Variants in SDK1 observed in about 807,000 individuals in gnomAD.
SDK1 encodes the protein protein sidekick-1.
Under a neutral mutation model 245.5 loss-of-function variants are expected in SDK1, and 157 were observed. The observed-to-expected ratio is 0.64, with a 90% confidence interval of 0.56 to 0.73. The LOEUF is 0.73. Among genes scored for constraint, SDK1 ranks in the 30% least tolerant of loss-of-function variants. The pLI is 0.00. For missense variants in SDK1, 3,583 were observed against 3,002.3 expected, an observed-to-expected ratio of 1.19 and a Z score of -4.52; for synonymous variants, 1,647 against 1,278.5, an observed-to-expected ratio of 1.29 and a Z score of -6.15.
At chr7:3,551,844 A>T (rs1779425388) in intron 1 of SDK1, among the ~76,000 whole-genome samples, 1 of 151,398 alleles carries the variant, frequency 6.6e-6, no homozygotes, top group East Asian at 1.9e-4. Context: ...CCTGGCCTAA[A>T]TTTTTTTTTG....
intron 32 of SDK1, 59 bp from the exon 33 acceptor site, chr7:4,174,162 GC>G (rs1449615719): frequency 3.4e-5 from 54 of 1,596,222 alleles, no homozygotes; most frequent in Non-Finnish European, 4.5e-5. Context: ...GGTGAGCCCT[GC>G]TGCAGGCCAG....
intron 9 of SDK1, among the ~76,000 whole-genome samples, chr7:3,966,332 C>T (rs777557855): frequency 2.0e-4 from 30 of 152,112 alleles, no homozygotes; most frequent in South Asian, 4.1e-4. Context: ...CACTTCTTTC[C>T]TTGAGGGGTA....
intron 22 of SDK1, among the ~76,000 whole-genome samples, chr7:4,087,911 T>C (rs578157072): frequency 6.6e-6 from 1 of 152,372 alleles, no homozygotes; most frequent in Admixed American, 6.5e-5. Flanking sequence ...AAATGATATT[T>C]TCTGCCTGTG....
chr7:3,969,023 A>G (rs1232656520), intron 10 of SDK1, among the ~76,000 whole-genome samples: 2 of 152,170 alleles, frequency 1.3e-5, no homozygotes, highest in African/African-American at 4.8e-5. Context: ...GTTTTAAACC[A>G]TCAGATCTCA....
intron 1 of SDK1, among the ~76,000 whole-genome samples, chr7:3,572,193 C>T (rs1279065370): frequency 6.6e-6 from 1 of 152,060 alleles, no homozygotes; most frequent in Non-Finnish European, 1.5e-5. Context: ...TTAGTAGTTT[C>T]TACCTGGAAG....
intron 1 of SDK1, among the ~76,000 whole-genome samples, chr7:3,360,105 C>A (rs763218145): frequency 1.3e-5 from 2 of 152,200 alleles, no homozygotes; most frequent in South Asian, 4.1e-4. Flanking sequence ...ATGTCATGGC[C>A]TTCAGCATTC....
At chr7:3,406,356 C>T (rs1779055820) in intron 1 of SDK1, among the ~76,000 whole-genome samples, 2 of 152,104 alleles carry the variant, frequency 1.3e-5, no homozygotes, top group African/African-American at 2.4e-5. Flanking sequence ...CCTAGATTTA[C>T]CCTTAAGTAA....
intron 1 of SDK1, among the ~76,000 whole-genome samples, chr7:3,469,896 A>G (rs1781127765): frequency 6.6e-6 from 1 of 152,218 alleles, no homozygotes; most frequent in Admixed American, 6.5e-5. Flanking sequence ...ACATACGAAA[A>G]TAAGTATGCT....
intron 22 of SDK1, among the ~76,000 whole-genome samples, chr7:4,094,977 A>G (rs1440129200): frequency 6.6e-6 from 1 of 152,356 alleles, no homozygotes; most frequent in East Asian, 1.9e-4. Context: ...AAGGAGGTGA[A>G]GCTTTGTCGA....
chr7:3,882,203 G>A (rs1260492984), intron 5 of SDK1, among the ~76,000 whole-genome samples: 3 of 151,966 alleles, frequency 2.0e-5, no homozygotes, highest in South Asian at 2.1e-4. Flanking sequence ...TCTCCCAGCC[G>A]GTCCCTCCAA....
intron 4 of SDK1, among the ~76,000 whole-genome samples, chr7:3,806,153 C>T (rs1779237709): frequency 6.6e-6 from 1 of 152,250 alleles, no homozygotes; most frequent in African/African-American, 2.4e-5. Flanking sequence ...CTTCTGACTT[C>T]TCTCTCACTG....
chr7:3,817,471 T>G (rs1308384257), intron 4 of SDK1, among the ~76,000 whole-genome samples: 1 of 152,140 alleles, frequency 6.6e-6, no homozygotes, highest in East Asian at 1.9e-4. Context: ...GTGATCAGGG[T>G]GAATGTATAC....
chr7:4,215,307 G>A (rs1475185020), intron 38 of SDK1, among the ~76,000 whole-genome samples: 2 of 152,204 alleles, frequency 1.3e-5, no homozygotes, highest in South Asian at 4.1e-4. Flanking sequence ...AGAGGCGGAG[G>A]GGCCTATCTC....
At chr7:3,789,623 A>G (rs1280705422) in intron 4 of SDK1, among the ~76,000 whole-genome samples, 1 of 152,210 alleles carries the variant, frequency 6.6e-6, no homozygotes, top group Non-Finnish European at 1.5e-5. Context: ...TGTATCATCC[A>G]ACTTCTGATC....
At chr7:3,989,280 G>A (rs933420685) in intron 14 of SDK1, among the ~76,000 whole-genome samples, 2 of 152,180 alleles carry the variant, frequency 1.3e-5, no homozygotes, top group African/African-American at 4.8e-5. Flanking sequence ...AAGACAGCTT[G>A]TGCAGGAAAA....
At chr7:4,228,165 T>A (rs999275092) in intron 40 of SDK1, among the ~76,000 whole-genome samples, 3 of 152,144 alleles carry the variant, frequency 2.0e-5, no homozygotes, top group African/African-American at 7.2e-5. Flanking sequence ...GGATTGGAGG[T>A]TGTGGTGACA....
intron 5 of SDK1, among the ~76,000 whole-genome samples, chr7:3,833,744 G>A (rs899958857): frequency 7.2e-5 from 11 of 152,190 alleles, no homozygotes; most frequent in African/African-American, 2.4e-4. Flanking sequence ...AATGTATGAA[G>A]CGAATAGGCA....
chr7:3,873,314 T>C (rs1254534450), intron 5 of SDK1, among the ~76,000 whole-genome samples: 7 of 152,198 alleles, frequency 4.6e-5, no homozygotes, highest in South Asian at 2.1e-4. Context: ...ATATTTCTTA[T>C]CTTGCTCCTC....
chr7:3,600,622 T>G (rs1456570736), intron 1 of SDK1, among the ~76,000 whole-genome samples: 1 of 148,786 alleles, frequency 6.7e-6, no homozygotes, highest in Non-Finnish European at 1.5e-5. Context: ...CGGCGCAATC[T>G]TGGCTTACTG....
Sources: gnomAD v4.1 joint callset for allele counts (sites outside exome capture counted in the v4.1 genomes callset) on GRCh38, gnomAD v4.1.1 for gene constraint, MANE v1.5 for transcripts, NCBI Gene and HGNC (gene_info 2026-07-23, HGNC 2026-07-21) for gene names.